CXADR: variants seen among roughly 807,000 people sequenced by gnomAD.
CXADR encodes CXADR cell adhesion molecule.
CXADR carries 20 observed loss-of-function variants against 40.3 expected under a neutral mutation model. The observed-to-expected ratio is 0.50, with a 90% CI of 0.35 to 0.72. The LOEUF is 0.72. Among genes scored for constraint, CXADR ranks in the 30% least tolerant of loss-of-function variants. The pLI is 0.01. For synonymous variants in CXADR, 150 were observed against 161.3 expected, an observed-to-expected ratio of 0.93 and a Z score of 0.53; for missense variants, 332 against 449.1, an observed-to-expected ratio of 0.74 and a Z score of 2.36.
chr21:17,630,543 A>G, the CXADR span, among the ~76,000 whole-genome samples: 7 of 151,746 alleles, frequency 4.6e-5, no homozygotes, highest in African/African-American at 1.7e-4. Context: ...TGTCTAAAAT[A>G]TTTCTGTATA....
At chr21:17,539,800 C>T (rs1046554807) in intron 1 of CXADR, among the ~76,000 whole-genome samples, 3 of 152,132 alleles carry the variant, frequency 2.0e-5, no homozygotes, top group East Asian at 1.9e-4. Context: ...CATCATTTTG[C>T]GAATTCCCAA....
At chr21:17,631,295 C>T in the CXADR span, among the ~76,000 whole-genome samples, 2 of 152,106 alleles carry the variant, frequency 1.3e-5, no homozygotes, top group African/African-American at 4.8e-5. Flanking sequence ...TAGTCTTAGA[C>T]TATAAAATAA....
In CXADR at chr21:17,520,395, A is replaced by G. The variant is rs761953249; in HGVS notation, c.43+7223A>G. ...TTTGTGCATCTGAATGATTCTTACA[A>G]GGAAGTCTAGGTGGGGCTTGTGAGT... On this transcript the variant is annotated intron_variant, in intron 1 of 6. Coordinates refer to ENST00000284878, the MANE Select transcript of CXADR (RefSeq NM_001338.5). Among the ~76,000 whole-genome samples the G allele has an allele frequency of 2.3e-3, 356 of 152,284 alleles. 1 individual carries two copies. Among genetic ancestry groups the G allele is most frequent in the Non-Finnish European group, 2.8e-3 (188 of 68,032 alleles).
chr21:17,598,803 T>C, the CXADR span: 12 of 1,613,958 alleles, frequency 7.4e-6, no homozygotes, highest in African/African-American at 2.7e-5. Context: ...CAACAATGAA[T>C]GCATTGTTTT....
intron 3 of CXADR, among the ~76,000 whole-genome samples, chr21:17,557,319 C>T (rs1207310513): frequency 6.6e-6 from 1 of 152,168 alleles, no homozygotes; most frequent in East Asian, 1.9e-4. Context: ...TACTGGAATA[C>T]TCAATTACTA....
chr21:17,563,152 A>G (rs887736307), intron 6 of CXADR, among the ~76,000 whole-genome samples: 20 of 151,990 alleles, frequency 1.3e-4, no homozygotes, highest in African/African-American at 4.8e-4. Context: ...TGTCCTCACT[A>G]AGGTTAATTA....
chr21:17,598,467 G>C (rs2061531726), downstream of CXADR: 2 of 622,228 alleles, frequency 3.2e-6, no homozygotes, highest in South Asian at 4.6e-5. Flanking sequence ...TTACGTGCCA[G>C]AGAAACAGCT....
chr21:17,631,582 C>G, the CXADR span, among the ~76,000 whole-genome samples: 1 of 152,168 alleles, frequency 6.6e-6, no homozygotes, highest in Non-Finnish European at 1.5e-5. Context: ...TTTGAAAATT[C>G]AGGGTTTAGT....
At chr21:17,607,035 C>A in the CXADR span, among the ~76,000 whole-genome samples, 1 of 152,172 alleles carries the variant, frequency 6.6e-6, no homozygotes, top group African/African-American at 2.4e-5. Context: ...ATTCTACAGA[C>A]TGAAGTCTCT....
the CXADR span, among the ~76,000 whole-genome samples, chr21:17,632,627 G>A: frequency 6.6e-6 from 1 of 152,168 alleles, no homozygotes; most frequent in African/African-American, 2.4e-5. Context: ...CAGCACTTTG[G>A]GAGGCCGAGG....
chr21:17,526,298 A>T (rs71319642), intron 1 of CXADR, among the ~76,000 whole-genome samples: 14 of 149,122 alleles, frequency 9.4e-5, no homozygotes, highest in Non-Finnish European at 1.8e-4. Context: ...TAAAATCGTT[A>T]TTTTTTTTTT....
chr21:17,556,033 T>C (rs1288622320), intron 3 of CXADR, among the ~76,000 whole-genome samples: 2 of 152,138 alleles, frequency 1.3e-5, no homozygotes, highest in African/African-American at 2.4e-5. Context: ...ACTAAATTGG[T>C]GGGATACCAT....
chr21:17,537,324 A>T (rs1460585670), intron 1 of CXADR, among the ~76,000 whole-genome samples: 1 of 152,000 alleles, frequency 6.6e-6, no homozygotes, highest in African/African-American at 2.4e-5. Context: ...TCCTAGTGCA[A>T]TTTCCCTTCT....
chr21:17,547,289 C>G, intron 2 of CXADR, 96 bp downstream of exon 2: 2 of 1,533,242 alleles, frequency 1.3e-6, no homozygotes, highest in Non-Finnish European at 1.8e-6. Context: ...CTGCAGGGAG[C>G]TAGGAAGGAA....
intron 5 of CXADR, 62 bp from the exon 6 acceptor site, chr21:17,561,276 C>T: frequency 1.1e-6 from 1 of 915,558 alleles, no homozygotes; most frequent in African/African-American, 1.7e-5. Flanking sequence ...GTATAGCCTA[C>T]CTTCAGTATC....
chr21:17,609,712 C>G, the CXADR span, among the ~76,000 whole-genome samples: 3 of 152,130 alleles, frequency 2.0e-5, no homozygotes, highest in African/African-American at 7.2e-5. Flanking sequence ...AAACCTTGTA[C>G]AGAAATGCCC....
At chr21:17,587,173 A>G (rs1442799595) in intron 7 of CXADR, among the ~76,000 whole-genome samples, 5 of 152,102 alleles carry the variant, frequency 3.3e-5, no homozygotes, top group Admixed American at 1.3e-4. Flanking sequence ...AGTCTTTGCT[A>G]TTGTGAATAG....
At chr21:17,523,248 G>T (rs1569076165) in intron 1 of CXADR, among the ~76,000 whole-genome samples, 1 of 152,118 alleles carries the variant, frequency 6.6e-6, no homozygotes, top group Non-Finnish European at 1.5e-5. Context: ...TGTTTACATT[G>T]TATTCCCAGT....
chr21:17,576,949 CA>C (rs2061326413), intron 7 of CXADR: 1 of 152,102 alleles, frequency 6.6e-6, no homozygotes, highest in Admixed American at 6.5e-5. Flanking sequence ...TATAGTTAAA[CA>C]ATATTTAACT....
Sources: gnomAD v4.1 joint callset for allele counts (sites outside exome capture counted in the v4.1 genomes callset) on GRCh38, gnomAD v4.1.1 for gene constraint, MANE v1.5 for transcripts, NCBI Gene and HGNC (gene_info 2026-07-23, HGNC 2026-07-21) for gene names.